The following VRK2 variants were observed in gnomAD, a reference collection of about 807,000 sequenced individuals.
The protein encoded by VRK2 is serine/threonine-protein kinase VRK2.
A neutral mutation model predicts 57.6 loss-of-function variants in VRK2; 60 were observed. The ratio of observed to expected loss-of-function variants is 1.04; its 90% CI spans 0.85 to 1.29. VRK2 has a LOEUF of 1.29. Ranked by LOEUF, VRK2 falls within the 50% of genes most tolerant of loss-of-function variation. The pLI, the probability that VRK2 is intolerant of heterozygous loss-of-function variation, is 0.00. For synonymous variants in VRK2, 231 were observed against 199.2 expected, an observed-to-expected ratio of 1.16 and a Z score of -1.35; for missense variants, 705 against 588.1, an observed-to-expected ratio of 1.20 and a Z score of -2.06.
intron 2 of VRK2, among the ~76,000 whole-genome samples, chr2:58,080,605 A>G (rs1030841732): frequency 5.9e-5 from 9 of 151,796 alleles, no homozygotes. Flanking sequence ...ATTAGGTTAG[A>G]CTAAGTTCAT....
At chr2:58,049,388 T>C (rs1675367640) in intron 2 of VRK2, among the ~76,000 whole-genome samples, 1 of 152,186 alleles carries the variant, frequency 6.6e-6, no homozygotes. Flanking sequence ...TACTGGAGAA[T>C]TCATAGATAA....
intron 1 of VRK2, among the ~76,000 whole-genome samples, chr2:57,957,455 G>T (rs1427047502): frequency 2.0e-5 from 3 of 151,788 alleles, no homozygotes; most frequent in Non-Finnish European, 4.4e-5. Flanking sequence ...ATTGGATAAG[G>T]CTACGATCAG....
intron 2 of VRK2, among the ~76,000 whole-genome samples, chr2:58,057,574 G>T (rs1047942931): frequency 2.0e-5 from 3 of 152,108 alleles, no homozygotes; most frequent in African/African-American, 7.2e-5. Context: ...ATAAACGTTT[G>T]TGGGGAAAAG....
chr2:58,141,292 AAAG>A (rs1681290698), intron 11 of VRK2, among the ~76,000 whole-genome samples: 1 of 152,028 alleles, frequency 6.6e-6, no homozygotes, highest in Non-Finnish European at 1.5e-5. Flanking sequence ...TTGAAATATA[AAAG>A]AAGCCATTTT....
At chr2:57,997,902 AAAAAAAAAG>A (rs1226173782) in intron 1 of VRK2, among the ~76,000 whole-genome samples, 1 of 15,924 alleles carries the variant, frequency 6.3e-5, no homozygotes, top group African/African-American at 3.7e-3. Context: ...CTCAAAAAGA[AAAAAAAAAG>A]AAAAAAAAGG....
chr2:57,958,427 G>GTATATACATGTATATATATTTGTATA (rs1368731595), intron 1 of VRK2, among the ~76,000 whole-genome samples: 61 of 149,920 alleles, frequency 4.1e-4, no homozygotes, highest in African/African-American at 1.3e-3. Context: ...GTGTGTGTGT[G>GTATATACATGTATATATATTTGTATA]TATATACATG....
At chr2:57,920,599 G>T (rs1670309022) in intron 1 of VRK2, among the ~76,000 whole-genome samples, 1 of 152,068 alleles carries the variant, frequency 6.6e-6, no homozygotes, top group Non-Finnish European at 1.5e-5. Flanking sequence ...GAGTATCGGT[G>T]ACCATAGGGT....
chr2:58,105,162 T>C (rs1013843994), intron 7 of VRK2, among the ~76,000 whole-genome samples: 2 of 151,738 alleles, frequency 1.3e-5, no homozygotes, highest in African/African-American at 4.8e-5. Context: ...TAAATAATTA[T>C]AGACTAAGAC....
At position 58,120,056 on chromosome 2, in the gene VRK2, CA is replaced by C. The variant is rs200516444; in HGVS notation, c.544-3043del. Among the ~76,000 whole-genome samples the C allele has an allele frequency of 4.2e-3, 632 of 151,920 alleles. 8 individuals carry two copies. The highest frequency in any genetic ancestry group is 0.014 in the African/African-American group (601 of 41,472). ...TTTCTTTCTTAGAGTGCATGCTCCT[CA>C]AGGTTGCACCCATGCATGTTGTAAA... On this transcript the variant is annotated intron_variant, in intron 7 of 12. Coordinates refer to ENST00000340157, the MANE Select transcript of VRK2 (RefSeq NM_006296.7).
In VRK2 at chr2:58,048,879, A is replaced by G; in HGVS notation, c.48A>G (p.Pro16=). 2 of 1,614,032 alleles carry G rather than the reference A, an allele frequency of 1.2e-6. No homozygotes were observed. The highest frequency in any genetic ancestry group is 1.1e-5 in the South Asian group (1 of 91,076). ...AATACAAACTTCCTATTCCATTTCC[A>G]GAAGGCAAGGTTCTGGATGATATGG... ...NEKYKLPIPF[P]EGKVLDDMEG... is the part of the protein sequence containing the mutation. The change falls in exon 2 of 13, where the codon CCA becomes CCG. Residue 16 remains proline (P), a synonymous_variant. Transcript: ENST00000340157.
At chr2:58,063,345 A>G (rs1281527037) in intron 2 of VRK2, among the ~76,000 whole-genome samples, 3 of 151,660 alleles carry the variant, frequency 2.0e-5, no homozygotes, top group Non-Finnish European at 4.4e-5. Context: ...ACAAACATAC[A>G]GCGAGCTAAA....
chr2:58,156,033 G>A (rs772393143), intron 12 of VRK2, among the ~76,000 whole-genome samples: 5 of 151,792 alleles, frequency 3.3e-5, no homozygotes, highest in Non-Finnish European at 7.4e-5. Context: ...GGAGACTCAA[G>A]GGAGGGTCAT....
chr2:58,045,454 T>A (rs1340064065), upstream of VRK2, among the ~76,000 whole-genome samples: 2 of 152,162 alleles, frequency 1.3e-5, no homozygotes, highest in African/African-American at 4.8e-5. Flanking sequence ...GAGTACCCAA[T>A]ATGGATATTA....
At chr2:57,947,294 T>C (rs1671291928) in intron 1 of VRK2, among the ~76,000 whole-genome samples, 1 of 152,224 alleles carries the variant, frequency 6.6e-6, no homozygotes, top group Non-Finnish European at 1.5e-5. Context: ...CCTTCAGGAA[T>C]ATATTAATAT....
At chr2:58,103,047 GAC>G (rs1391335169) in intron 7 of VRK2, among the ~76,000 whole-genome samples, 3 of 151,398 alleles carry the variant, frequency 2.0e-5, no homozygotes, top group Non-Finnish European at 4.4e-5. Context: ...TGAAAATGGA[GAC>G]ACAACATACC....
intron 1 of VRK2, among the ~76,000 whole-genome samples, chr2:57,980,040 G>C (rs563918770): frequency 6.6e-6 from 1 of 152,030 alleles, no homozygotes; most frequent in East Asian, 1.9e-4. Flanking sequence ...ACTTCGTTCA[G>C]TTCAGCTTTG....
At chr2:58,072,554 A>G (rs146052096) in intron 2 of VRK2, among the ~76,000 whole-genome samples, 4 of 151,970 alleles carry the variant, frequency 2.6e-5, no homozygotes, top group African/African-American at 9.6e-5. Context: ...AATGTGTTGG[A>G]TTATGTTAAT....
intron 2 of VRK2, among the ~76,000 whole-genome samples, chr2:58,079,411 G>T (rs1371214649): frequency 6.6e-6 from 1 of 151,860 alleles, no homozygotes; most frequent in African/African-American, 2.4e-5. Context: ...ATCTATTAAC[G>T]ACTTGCCCCA....
At chr2:57,997,386 G>A (rs562808182) in intron 1 of VRK2, among the ~76,000 whole-genome samples, 1 of 152,160 alleles carries the variant, frequency 6.6e-6, no homozygotes, top group East Asian at 1.9e-4. Context: ...CCTCAGTGAT[G>A]GGGAGTTGAG....
Sources: gnomAD v4.1 joint callset for allele counts (sites outside exome capture counted in the v4.1 genomes callset) on GRCh38, gnomAD v4.1.1 for gene constraint, MANE v1.5 for transcripts, NCBI Gene and HGNC (gene_info 2026-07-23, HGNC 2026-07-21) for gene names.